EBF1: variants seen among roughly 807,000 people sequenced by gnomAD.
EBF1 encodes transcription factor COE1.
In EBF1, 10 loss-of-function variants were observed where a neutral mutation model predicts 68.4. That is an observed-to-expected ratio of 0.15 (90% CI 0.09 to 0.25). The LOEUF (loss-of-function observed/expected upper bound fraction) is 0.25, where lower values mean the gene tolerates loss of function less well. EBF1 is among the 10% of genes least tolerant of loss of function. The probability of loss-of-function intolerance (pLI) is 1.00; values close to 1 mark genes in which losing one functional copy is unlikely to be tolerated. For missense variants in EBF1, 509 were observed against 794.4 expected (o/e 0.64, Z 4.32); for synonymous variants, 298 against 299.8 (o/e 0.99, Z 0.06).
At chr5:159,008,937 A>G (rs1320767705) in intron 6 of EBF1, among the ~76,000 whole-genome samples, 1 of 152,194 alleles carries the variant, frequency 6.6e-6, no homozygotes, top group Non-Finnish European at 1.5e-5. Context: ...AATTCTAATT[A>G]ACATTATCTC....
chr5:158,743,414 A>G (rs1766860750), intron 10 of EBF1, among the ~76,000 whole-genome samples: 1 of 152,248 alleles, frequency 6.6e-6, no homozygotes, highest in Non-Finnish European at 1.5e-5. Flanking sequence ...GTTAACCATA[A>G]GTAACAGTAT....
chr5:158,710,299 G>C (rs1252268528), intron 14 of EBF1, among the ~76,000 whole-genome samples: 1 of 152,166 alleles, frequency 6.6e-6, no homozygotes, highest in African/African-American at 2.4e-5. Flanking sequence ...GCAATCTCAG[G>C]CTGAAGCGGC....
intron 4 of EBF1, among the ~76,000 whole-genome samples, chr5:159,085,770 T>C (rs1352287777): frequency 1.3e-5 from 2 of 152,064 alleles, no homozygotes; most frequent in African/African-American, 4.8e-5. Context: ...TACATATATC[T>C]TAATATAGTA....
intron 8 of EBF1, among the ~76,000 whole-genome samples, chr5:158,820,651 A>G (rs762826610): frequency 1.3e-5 from 2 of 152,212 alleles, no homozygotes; most frequent in Non-Finnish European, 2.9e-5. Context: ...AGGAAATAGG[A>G]CATACCTATG....
intron 7 of EBF1, among the ~76,000 whole-genome samples, chr5:158,825,334 G>A (rs916765076): frequency 6.6e-6 from 1 of 152,146 alleles, no homozygotes; most frequent in African/African-American, 2.4e-5. Flanking sequence ...ACATAACAGA[G>A]CTGGGTCTTT....
intron 6 of EBF1, among the ~76,000 whole-genome samples, chr5:158,966,741 C>A (rs1206433972): frequency 6.6e-6 from 1 of 152,114 alleles, no homozygotes; most frequent in East Asian, 1.9e-4. Context: ...TTAAACTTGT[C>A]CCCCCGAAAG....
intron 6 of EBF1, among the ~76,000 whole-genome samples, chr5:158,892,874 T>C (rs1562236032): frequency 6.6e-6 from 1 of 151,866 alleles, no homozygotes; most frequent in African/African-American, 2.4e-5. Flanking sequence ...TTTTGCTCAC[T>C]CAGCACCTAC....
At chr5:158,950,254 A>C (rs1007780981) in intron 6 of EBF1, among the ~76,000 whole-genome samples, 1 of 152,234 alleles carries the variant, frequency 6.6e-6, no homozygotes, top group Non-Finnish European at 1.5e-5. Context: ...GGTTTTATGT[A>C]ACAACATCAT....
chr5:159,021,302 A>C (rs935308563), intron 6 of EBF1, among the ~76,000 whole-genome samples: 1 of 152,228 alleles, frequency 6.6e-6, no homozygotes, highest in Non-Finnish European at 1.5e-5. Context: ...AAAAAGGGCA[A>C]CTGCACTCAT....
intron 6 of EBF1, among the ~76,000 whole-genome samples, chr5:159,057,415 A>G (rs1330082141): frequency 6.6e-6 from 1 of 152,194 alleles, no homozygotes; most frequent in Non-Finnish European, 1.5e-5. Flanking sequence ...ACGGACTGTT[A>G]TAATTTCTGA....
At chr5:158,774,276 G>A (rs1393185853) in intron 10 of EBF1, among the ~76,000 whole-genome samples, 2 of 152,036 alleles carry the variant, frequency 1.3e-5, no homozygotes, top group Non-Finnish European at 2.9e-5. Flanking sequence ...GGCAATCTGT[G>A]CTTGGTCAGA....
chr5:158,867,939 A>C (rs1250451366), intron 6 of EBF1, among the ~76,000 whole-genome samples: 1 of 152,134 alleles, frequency 6.6e-6, no homozygotes, highest in African/African-American at 2.4e-5. Context: ...TGCCTACAAA[A>C]CTCAGAAGAT....
chr5:159,011,469 C>G (rs1052422805), intron 6 of EBF1, among the ~76,000 whole-genome samples: 1 of 152,144 alleles, frequency 6.6e-6, no homozygotes, highest in Admixed American at 6.5e-5. Context: ...TGCTGTCAGC[C>G]CTGAAATTAA....
intron 6 of EBF1, among the ~76,000 whole-genome samples, chr5:158,882,453 G>T (rs1582858387): frequency 6.6e-6 from 1 of 152,254 alleles, no homozygotes. Context: ...TAGATGCCAG[G>T]TACTCAACCA....
Position 158,714,873 on chromosome 5 carries a change from C to T in EBF1, c.1126-691G>A, listed in dbSNP as rs140656083. Among the ~76,000 whole-genome samples the T allele has an allele frequency of 2.6e-5, 4 of 152,212 alleles. 1 individual carries two copies. The highest frequency in any genetic ancestry group is 9.6e-5 in the African/African-American group (4 of 41,512). ...GATTTCCCCCATTTGCTCATTCATT[C>T]TCATCCTAGATAGATGCTTGGCTAC... On this transcript the variant is annotated intron_variant, in intron 11 of 15. Coordinates refer to ENST00000313708, the MANE Select transcript of EBF1 (RefSeq NM_024007.5).
chr5:158,892,396 G>C (rs1801352575), intron 6 of EBF1, among the ~76,000 whole-genome samples: 1 of 152,128 alleles, frequency 6.6e-6, no homozygotes, highest in Non-Finnish European at 1.5e-5. Flanking sequence ...AGCTGAGGGA[G>C]GAGAATTGCT....
intron 4 of EBF1, among the ~76,000 whole-genome samples, chr5:159,087,353 T>C (rs1020473937): frequency 1.7e-5 from 2 of 120,256 alleles, no homozygotes; most frequent in African/African-American, 3.6e-5. Context: ...CATATATATA[T>C]ACACATATAT....
chr5:158,921,975 C>T (rs1279301945), intron 6 of EBF1, among the ~76,000 whole-genome samples: 3 of 152,176 alleles, frequency 2.0e-5, no homozygotes, highest in Non-Finnish European at 4.4e-5. Flanking sequence ...TCCTAATCTT[C>T]TAAAAGAGAG....
intron 6 of EBF1, among the ~76,000 whole-genome samples, chr5:158,876,102 A>G (rs1392647733): frequency 1.3e-5 from 2 of 152,198 alleles, no homozygotes; most frequent in African/African-American, 4.8e-5. Flanking sequence ...AAACTGTTCC[A>G]TGGCATATTC....
Sources: allele counts gnomAD v4.1 joint callset (sites outside exome capture counted in the v4.1 genomes callset), GRCh38; gene constraint gnomAD v4.1.1; transcripts MANE v1.5; gene names NCBI Gene and HGNC (gene_info 2026-07-23, HGNC 2026-07-21).